EML6: variants seen among roughly 807,000 people sequenced by gnomAD.
The protein encoded by EML6 is EMAP like 6, also known as echinoderm microtubule-associated protein-like 6.
EML6 carries 154 observed loss-of-function variants against 240.1 expected under a neutral mutation model. That is an observed-to-expected ratio of 0.64 (90% confidence interval 0.56 to 0.73). EML6 has a LOEUF of 0.73. EML6 is among the 30% of genes least tolerant of loss of function. The pLI, the probability that EML6 is intolerant of heterozygous loss-of-function variation, is 0.00. For synonymous variants in EML6, 1,148 were observed against 899.0 expected, an observed-to-expected ratio of 1.28 and a Z score of -4.95; for missense variants, 2,964 against 2,474.6, an observed-to-expected ratio of 1.20 and a Z score of -4.20.
chr2:54,836,616 A>T (rs1014079075), intron 7 of EML6, among the ~76,000 whole-genome samples: 1 of 151,968 alleles, frequency 6.6e-6, no homozygotes, highest in East Asian at 1.9e-4. Flanking sequence ...CACTCTACAC[A>T]CAGGATCCCA....
intron 2 of EML6, among the ~76,000 whole-genome samples, chr2:54,783,638 T>C (rs1297629852): frequency 6.6e-6 from 1 of 152,244 alleles, no homozygotes; most frequent in African/African-American, 2.4e-5. Context: ...GCGGCTAGTT[T>C]GAAACGACTG....
At chr2:54,802,815 C>G (rs1670243133) in intron 2 of EML6, among the ~76,000 whole-genome samples, 1 of 152,132 alleles carries the variant, frequency 6.6e-6, no homozygotes, top group African/African-American at 2.4e-5. Flanking sequence ...CAGATGAAAA[C>G]TACAGCATGT....
At chr2:54,818,526 C>T (rs949008438) in intron 4 of EML6, among the ~76,000 whole-genome samples, 1 of 152,198 alleles carries the variant, frequency 6.6e-6, no homozygotes, top group African/African-American at 2.4e-5. Context: ...GATACATATG[C>T]CTGCCCAGTT....
intron 2 of EML6, among the ~76,000 whole-genome samples, chr2:54,732,969 A>G (rs1683237545): frequency 6.6e-6 from 1 of 152,242 alleles, no homozygotes; most frequent in Middle Eastern, 3.2e-3. Flanking sequence ...TGGTATGGAA[A>G]GCAGGGGGAG....
chr2:54,895,456 A>G, intron 21 of EML6, 56 bp downstream of exon 21: 1 of 1,525,818 alleles, frequency 6.6e-7, no homozygotes, highest in East Asian at 2.5e-5. Context: ...GACTAGAGTG[A>G]GGCAAAGTTG....
At chr2:54,728,425 GTTC>G (rs1683005043) in intron 2 of EML6, among the ~76,000 whole-genome samples, 1 of 152,142 alleles carries the variant, frequency 6.6e-6, no homozygotes, top group Admixed American at 6.5e-5. Flanking sequence ...CTGTCTCCAG[GTTC>G]TTCTGCCTCG....
In EML6 at chr2:54,963,906, T is replaced by C. The variant is rs550409379; in HGVS notation, c.5158-80T>C. The C allele has an allele frequency of 4.7e-3, 6,528 of 1,382,462 alleles. 25 individuals carry two copies. Among genetic ancestry groups the C allele is most frequent in the Non-Finnish European group, 5.7e-3 (5,924 of 1,036,980 alleles). 85.6% of individuals were successfully genotyped at this position (1,382,462 alleles called of 1,614,324 possible). On this transcript the variant is annotated intron_variant, in intron 36 of 41. Coordinates refer to ENST00000356458, the MANE Select transcript of EML6 (RefSeq NM_001039753.4). ...GTGGCTGCGAGGGCAGCCTGACTTC[T>C]CTGGCCTGGTGCAGAATGTCTCCTG...
intron 2 of EML6, among the ~76,000 whole-genome samples, chr2:54,797,596 C>T (rs1248664622): frequency 6.7e-6 from 1 of 149,608 alleles, no homozygotes; most frequent in Admixed American, 6.7e-5. Context: ...AGCATTATGC[C>T]TAACAACATG....
In EML6 at chr2:54,970,230, G is replaced by A. The variant is rs1676930790; in HGVS notation, c.*135G>A. On this transcript the variant is annotated 3_prime_UTR_variant, in exon 42 of 42. Transcript: ENST00000356458. ...TGCCCCGGATGCACAAGCTCAAAACGCTGCAGAAGTTACACAACTGCTCCC... is the reference window on the plus strand; with the variant it reads ...TGCCCCGGATGCACAAGCTCAAAACACTGCAGAAGTTACACAACTGCTCCC... 1.9e-5 allele frequency: 16 copies of A among 838,706 alleles called. No individual in the cohort carries two copies. Among genetic ancestry groups the A allele is most frequent in the South Asian group, 8.8e-5 (6 of 68,278 alleles). 52.0% of individuals were successfully genotyped at this position (838,706 alleles called of 1,614,324 possible).
chr2:54,827,530 C>G (rs539981028), intron 5 of EML6, 36 bp from the exon 6 acceptor site: 9 of 1,504,144 alleles, frequency 6.0e-6, no homozygotes, highest in Middle Eastern at 3.8e-4. Context: ...TCCGAATACT[C>G]TATCTTGGAG....
intron 2 of EML6, among the ~76,000 whole-genome samples, chr2:54,768,167 C>T (rs971319864): frequency 6.8e-5 from 10 of 146,868 alleles, no homozygotes; most frequent in African/African-American, 2.2e-4. Context: ...ATCAGAAAAA[C>T]TTTTTTTTTT....
At chr2:54,887,123 C>T (rs2104048076) in intron 17 of EML6, among the ~76,000 whole-genome samples, 1 of 152,342 alleles carries the variant, frequency 6.6e-6, no homozygotes, top group South Asian at 2.1e-4. Context: ...CTGCCCAGAA[C>T]ATCTAATTTT....
At chr2:54,927,184 A>G (rs1558694029) in intron 26 of EML6, among the ~76,000 whole-genome samples, 2 of 152,164 alleles carry the variant, frequency 1.3e-5, no homozygotes, top group Non-Finnish European at 2.9e-5. Context: ...TGCTTCAGGA[A>G]TCTTTCTAGG....
intron 17 of EML6, among the ~76,000 whole-genome samples, chr2:54,885,256 C>T (rs1039056589): frequency 6.6e-6 from 1 of 151,924 alleles, no homozygotes; most frequent in African/African-American, 2.4e-5. Flanking sequence ...ACCAGCCTGA[C>T]CAACATGGTA....
At chr2:54,807,186 C>G (rs1345310787) in intron 2 of EML6, among the ~76,000 whole-genome samples, 1 of 151,898 alleles carries the variant, frequency 6.6e-6, no homozygotes, top group Non-Finnish European at 1.5e-5. Context: ...TTGACAAAAT[C>G]AAATGAGGAA....
chr2:54,744,473 G>T (rs932593345), intron 2 of EML6, among the ~76,000 whole-genome samples: 2 of 152,106 alleles, frequency 1.3e-5, no homozygotes, highest in Non-Finnish European at 2.9e-5. Flanking sequence ...ACTGTGACTG[G>T]ATCTGGATTT....
intron 2 of EML6, among the ~76,000 whole-genome samples, chr2:54,747,985 T>G (rs1683993911): frequency 6.6e-6 from 1 of 152,218 alleles, no homozygotes; most frequent in South Asian, 2.1e-4. Flanking sequence ...TTTGTTACAA[T>G]TTATAGGTTT....
At chr2:54,860,554 T>C (rs1374169469) in intron 12 of EML6, among the ~76,000 whole-genome samples, 1 of 152,108 alleles carries the variant, frequency 6.6e-6, no homozygotes, top group African/African-American at 2.4e-5. Context: ...CTCCCATGAC[T>C]CATCCCATCA....
At chr2:54,916,427 G>A (rs140302843) in intron 25 of EML6, among the ~76,000 whole-genome samples, 2 of 152,278 alleles carry the variant, frequency 1.3e-5, no homozygotes, top group African/African-American at 4.8e-5. Context: ...CATCAGTGCT[G>A]GCGTTGGGGA....
Sources: gnomAD v4.1 joint callset for allele counts (sites outside exome capture counted in the v4.1 genomes callset) on GRCh38, gnomAD v4.1.1 for gene constraint, MANE v1.5 for transcripts, NCBI Gene and HGNC (gene_info 2026-07-23, HGNC 2026-07-21) for gene names.